Variants in FRMPD4 observed in about 807,000 individuals in gnomAD.
FRMPD4 encodes FERM and PDZ domain-containing protein 4.
Under a neutral mutation model 94.1 loss-of-function variants are expected in FRMPD4, and 22 were observed. The observed-to-expected ratio is 0.23, with a 90% CI of 0.17 to 0.33. The LOEUF is 0.33. FRMPD4 is among the 10% of genes least tolerant of loss of function. The pLI, the probability that FRMPD4 is intolerant of heterozygous loss-of-function variation, is 1.00. For missense variants in FRMPD4, 1,111 were observed against 1,339.9 expected, an observed-to-expected ratio of 0.83 and a Z score of 2.67; for synonymous variants, 631 against 548.6, an observed-to-expected ratio of 1.15 and a Z score of -2.10.
chrX:12,585,835 A>G (rs997368630), intron 2 of FRMPD4, among the ~76,000 whole-genome samples: 1 of 112,558 alleles, frequency 8.9e-6, no homozygotes, highest in East Asian at 2.8e-4. Flanking sequence ...TAACAATTTT[A>G]GATTGATTAT....
intron 2 of FRMPD4, among the ~76,000 whole-genome samples, chrX:12,548,646 T>TC (rs2148325795): frequency 8.9e-6 from 1 of 112,604 alleles, no homozygotes; most frequent in African/African-American, 3.2e-5. Flanking sequence ...AATGTTTTTT[T>TC]CCATCTTTCT....
rs559270919 is a variant in FRMPD4 at position 12,595,299 on chromosome X, C to T, written c.159-14422C>T. On this transcript the variant is annotated intron_variant, in intron 2 of 16. Coordinates refer to ENST00000675598, the MANE Select transcript of FRMPD4 (RefSeq NM_001368397.1). ...CTGGGTCATTGATTTGTTTTCCCCACGGCTTGTGTGGCCCAGAAAGTAAGT... is the reference window on the plus strand; with the variant it reads ...CTGGGTCATTGATTTGTTTTCCCCATGGCTTGTGTGGCCCAGAAAGTAAGT... Among the ~76,000 whole-genome samples the T allele has an allele frequency of 3.3e-4, 37 of 111,782 alleles. No individual in the cohort carries two copies. In the South Asian group the frequency reaches 0.01, roughly 31 times the overall value.
In FRMPD4 at chrX:11,978,181, G is replaced by A. The variant is rs1319508045; in HGVS notation, c.95+100163G>A. On this transcript the variant is annotated intron_variant, in intron 3 of 18. Transcript: ENST00000640291. The stretch of plus-strand genomic sequence containing the variant: ...ACTAAAAATACAAAAAATTAGCCGG[G>A]TGTGGTGGCAGGTACCTGTAATCCC... Among the ~76,000 whole-genome samples, 3 of 108,494 alleles carry A rather than the reference G, an allele frequency of 2.8e-5. No individual in the cohort carries two copies. In the Admixed American group the frequency reaches 3.0e-4, roughly 11 times the overall value. The allele number at this position is 108,494 out of a possible 115,157, so 94.2% of individuals were successfully genotyped here. A position where few individuals can be genotyped will look rare whatever the true frequency, so the allele number is the denominator to read the frequency against.
intron 8 of FRMPD4, among the ~76,000 whole-genome samples, chrX:12,692,067 C>T (rs1458412597): frequency 8.9e-6 from 1 of 112,190 alleles, no homozygotes; most frequent in Non-Finnish European, 1.9e-5. Context: ...GTTATACTTT[C>T]TCTCTAAACT....
chrX:12,075,463 A>G (rs752410883), intron 3 of FRMPD4, among the ~76,000 whole-genome samples: 12 of 112,501 alleles, frequency 1.1e-4, no homozygotes, highest in Non-Finnish European at 1.7e-4. Context: ...TAAAAATAAT[A>G]AAAGTATATT....
chrX:12,292,775 T>A, intron 1 of FRMPD4, among the ~76,000 whole-genome samples: 1 of 111,374 alleles, frequency 9.0e-6, no homozygotes, highest in Non-Finnish European at 1.9e-5. Flanking sequence ...GGTTGTGAAG[T>A]CTCTTGACAC....
At chrX:12,052,174 A>C (rs6639137) in intron 3 of FRMPD4, among the ~76,000 whole-genome samples, 7,749 of 111,590 alleles carry the variant, frequency 0.069, 269 homozygotes, top group East Asian at 0.23. Context: ...AAATAAAGAC[A>C]CCAAGATTTT....
chrX:11,917,144 C>T (rs959389485), intron 3 of FRMPD4, among the ~76,000 whole-genome samples: 6 of 112,327 alleles, frequency 5.3e-5, no homozygotes, highest in Non-Finnish European at 9.4e-5. Flanking sequence ...AAAAAATGCT[C>T]AGCATCACTA....
intron 3 of FRMPD4, among the ~76,000 whole-genome samples, chrX:11,989,714 T>C (rs2054453595): frequency 8.9e-6 from 1 of 112,049 alleles, no homozygotes; most frequent in African/African-American, 3.2e-5. Context: ...ATGTGATTAT[T>C]ACGCATTGCA....
chrX:12,222,858 G>A (rs1482068286), intron 1 of FRMPD4, among the ~76,000 whole-genome samples: 1 of 112,091 alleles, frequency 8.9e-6, no homozygotes, highest in African/African-American at 3.2e-5. Context: ...TTCTGTTGTA[G>A]AGATGTACCA....
Position 12,138,567 on chromosome X carries a change from T to C in FRMPD4, c.-405T>C, listed in dbSNP as rs1053409773. ...CTCCTCGGTGCGTGGGGCACGAGGGTCCGAGGGCCGGGAAGCCAGAGCAGC... is the reference window on the plus strand; with the variant it reads ...CTCCTCGGTGCGTGGGGCACGAGGGCCCGAGGGCCGGGAAGCCAGAGCAGC... On this transcript the variant is annotated 5_prime_UTR_variant, in exon 1 of 17. Coordinates refer to ENST00000675598, the MANE Select transcript of FRMPD4 (RefSeq NM_001368397.1). 7.9e-6 allele frequency: 2 copies of C among 253,422 alleles called. No individual in the cohort carries two copies. The highest frequency in any genetic ancestry group is 2.8e-5 in the African/African-American group (1 of 35,281). 20.9% of individuals were successfully genotyped at this position (253,422 alleles called of 1,213,427 possible).
intron 1 of FRMPD4, among the ~76,000 whole-genome samples, chrX:11,838,488 A>G (rs1476729118): frequency 9.0e-6 from 1 of 111,635 alleles, no homozygotes; most frequent in Non-Finnish European, 1.9e-5. Context: ...TAAAATAAAT[A>G]TTTTACATTA....
intron 3 of FRMPD4, among the ~76,000 whole-genome samples, chrX:12,078,307 A>C (rs1284370223): frequency 8.9e-6 from 1 of 112,492 alleles, no homozygotes; most frequent in Non-Finnish European, 1.9e-5. Flanking sequence ...AATAATGCGA[A>C]TAGCATCCCA....
At chrX:12,252,001 A>G (rs908643064) in intron 1 of FRMPD4, among the ~76,000 whole-genome samples, 7 of 112,468 alleles carry the variant, frequency 6.2e-5, no homozygotes, top group Non-Finnish European at 9.4e-5. Context: ...AGAGCTGCTC[A>G]TGACACATAG....
intron 1 of FRMPD4, among the ~76,000 whole-genome samples, chrX:12,361,072 A>G (rs1435759958): frequency 9.0e-6 from 1 of 111,563 alleles, no homozygotes; most frequent in Non-Finnish European, 1.9e-5. Context: ...TTGTCAGCTC[A>G]CAGTCATTAG....
intron 2 of FRMPD4, among the ~76,000 whole-genome samples, chrX:12,579,526 G>A (rs757821482): frequency 8.9e-6 from 1 of 112,157 alleles, no homozygotes; most frequent in Non-Finnish European, 1.9e-5. Context: ...TGGAGCCCAC[G>A]TGCAGGGATC....
chrX:11,822,644 G>T (rs1225433461), exon 1 of FRMPD4, among the ~76,000 whole-genome samples: 2 of 112,338 alleles, frequency 1.8e-5, no homozygotes, highest in Non-Finnish European at 3.8e-5. Context: ...ACCAGGGATG[G>T]CAGAATCTCC....
At chrX:11,952,289 C>T (rs987995216) in intron 3 of FRMPD4, among the ~76,000 whole-genome samples, 4 of 112,063 alleles carry the variant, frequency 3.6e-5, no homozygotes, top group Admixed American at 1.9e-4. Flanking sequence ...GAAGCAGGCT[C>T]CTTCCCAGGC....
chrX:12,582,519 G>GGGA (rs944493320), intron 2 of FRMPD4, among the ~76,000 whole-genome samples: 1 of 111,585 alleles, frequency 9.0e-6, no homozygotes, highest in African/African-American at 3.3e-5. Context: ...ACTCCCCTGT[G>GGGA]GGAGGAGGGA....
Sources: allele counts gnomAD v4.1 joint callset (sites outside exome capture counted in the v4.1 genomes callset), GRCh38; gene constraint gnomAD v4.1.1; transcripts MANE v1.5; gene names NCBI Gene and HGNC (gene_info 2026-07-23, HGNC 2026-07-21).